The following PLXNB2 variants were observed in gnomAD, a reference collection of about 807,000 sequenced individuals.
PLXNB2 encodes plexin B2.
A neutral mutation model predicts 202.6 loss-of-function variants in PLXNB2; 85 were observed. That is an observed-to-expected ratio of 0.42 (90% CI 0.35 to 0.50). PLXNB2 has a LOEUF of 0.50. PLXNB2 is among the 20% of genes least tolerant of loss of function. The pLI is 0.02. For missense variants in PLXNB2, 2,063 were observed against 2,586.2 expected, an observed-to-expected ratio of 0.80 and a Z score of 4.39; for synonymous variants, 1,239 against 1,137.6, an observed-to-expected ratio of 1.09 and a Z score of -1.79.
intron 16 of PLXNB2, 40 bp from the exon 17 acceptor site, chr22:50,283,226 C>T (rs570676869): frequency 3.8e-6 from 6 of 1,599,532 alleles, no homozygotes; most frequent in Non-Finnish European, 5.1e-6. Context: ...GGACGGGGCA[C>T]AGGACGCCCT....
intron 1 of PLXNB2, among the ~76,000 whole-genome samples, 195 bp from the exon 2 acceptor site, chr22:50,294,973 G>A (rs1402977902): frequency 6.6e-6 from 1 of 152,202 alleles, no homozygotes; most frequent in Non-Finnish European, 1.5e-5. Context: ...CCCTCTGTCA[G>A]GGGCTTTCTG....
At chr22:50,280,697 C>T (rs1008633129) in intron 24 of PLXNB2, 27 bp from the exon 25 acceptor site, 2 of 1,596,376 alleles carry the variant, frequency 1.3e-6, no homozygotes, top group Non-Finnish European at 1.7e-6. Context: ...TCAAAGCCTG[C>T]CCGGCGCCAC....
chr22:50,289,769 G>A lies in PLXNB2; in HGVS notation c.816C>T (p.His272=), dbSNP rs886582997. The A allele has an allele frequency of 1.9e-5, 30 of 1,612,998 alleles. No homozygotes were observed. Among genetic ancestry groups the A allele is most frequent in the Non-Finnish European group, 2.5e-5 (29 of 1,180,008 alleles). ...CCAGGCAGGTGCCAAAGGCAGCGGC[G>A]TGGATGTCGGGGTCCCGGCACTGCA... is the stretch of plus-strand genomic sequence containing the variant. ...MDLQCRDPDI[H]AAAFGTCLAA... Residue 272 remains histidine, a synonymous_variant, in exon 3 of 37, where the codon CAC becomes CAT. Transcript: ENST00000359337. The surrounding 1 kb of genome is among the most constrained non-coding windows in gnomAD (Gnocchi z 8.0).
intron 8 of PLXNB2, among the ~76,000 whole-genome samples, chr22:50,286,810 CG>C (rs560939034): frequency 3.0e-4 from 46 of 152,286 alleles, no homozygotes; most frequent in Middle Eastern, 3.4e-3. Context: ...TCTGCCGAGA[CG>C]ACGGGGCCTG....
chr22:50,304,689 C>G (rs2067825476), intron 1 of PLXNB2, among the ~76,000 whole-genome samples: 1 of 151,824 alleles, frequency 6.6e-6, no homozygotes, highest in South Asian at 2.1e-4. Context: ...CCCTCCCCAT[C>G]GTGTAATTAG....
At chr22:50,282,640 A>ATGTG in intron 18 of PLXNB2, 71 bp downstream of exon 18, 1 of 1,075,378 alleles carries the variant, frequency 9.3e-7, no homozygotes, top group Non-Finnish European at 1.3e-6. Flanking sequence ...CTTTCAGCAC[A>ATGTG]GTCAGCCAAG....
Position 50,290,048 on chromosome 22 carries a change from G to A in PLXNB2, c.537C>T (p.Asn179=), listed in dbSNP as rs370273991. Reference sequence around the variant, plus strand: ...ACAGCCGAGTGCTCACGATGATGCCGTTGTCGTGTGGCCCATTGCCTTTGC... The same window carrying A: ...ACAGCCGAGTGCTCACGATGATGCCATTGTCGTGTGGCCCATTGCCTTTGC... ...FVGKGNGPHD[N]GIIVSTRLLD... is the part of the protein sequence containing the mutation. Residue 179 remains asparagine, a synonymous_variant, in exon 3 of 37, where the codon AAC becomes AAT. Transcript: ENST00000359337. 2.6e-4 allele frequency: 423 copies of A among 1,613,304 alleles called. No homozygotes were observed. The highest frequency in any genetic ancestry group is 3.3e-4 in the Non-Finnish European group (390 of 1,180,036).
At position 50,282,832 on chromosome 22, in the gene PLXNB2, G is replaced by C; in HGVS notation, c.2866C>G (p.Arg956Gly). Residue 956 changes from arginine (R) to glycine (G), a missense_variant, in exon 18 of 37, where the codon CGG (arginine) becomes GGG (glycine). By Grantham distance (125) the Arg-to-Gly change is moderately radical. Transcript: ENST00000359337. The stretch of plus-strand genomic sequence containing the variant: ...GAGACCTCCAGAAGCATCTGGCCCC[G>C]TGTCGCCTGGGGGCCAGTGACACAC... ...LQCVTGPQAT[R>G]GQMLLEVSYG... 1.9e-6 allele frequency: 3 copies of C among 1,612,808 alleles called. No homozygotes were observed. The highest frequency in any genetic ancestry group is 2.5e-6 in the Non-Finnish European group (3 of 1,179,584).
chr22:50,306,135 G>C (rs1044871807), intron 1 of PLXNB2, among the ~76,000 whole-genome samples: 2 of 152,188 alleles, frequency 1.3e-5, no homozygotes, highest in Non-Finnish European at 2.9e-5. Flanking sequence ...CAGGCAGCCG[G>C]TGGGGGAGGG....
intron 2 of PLXNB2, among the ~76,000 whole-genome samples, chr22:50,292,830 C>T (rs189950605): frequency 7.2e-5 from 11 of 152,366 alleles, no homozygotes; most frequent in Admixed American, 7.2e-4. Flanking sequence ...CACCCCAGGG[C>T]CCGCATGAGT....
At chr22:50,303,107 CT>C (rs2067767749) in intron 1 of PLXNB2, among the ~76,000 whole-genome samples, 1 of 151,966 alleles carries the variant, frequency 6.6e-6, no homozygotes, top group Admixed American at 6.6e-5. Flanking sequence ...GCCTCCCTTG[CT>C]TCCCCCAGGA....
At position 50,283,143 on chromosome 22, in the gene PLXNB2, G is replaced by T; in HGVS notation, c.2723C>A (p.Ala908Glu). ...GTGGATGGTCAGTGTGGTGCCGCCC[G>T]CCTGCGGTCCCTGCTGCGGCTCCAC... Reference protein sequence around the residue: ...LSVEPQQGPQAGGTTLTIHGT... With the variant: ...LSVEPQQGPQEGGTTLTIHGT... The change falls in exon 17 of 37, where the codon GCG (alanine) becomes GAG (glutamate). Residue 908 changes from alanine (A) to glutamate (E), a missense_variant. Ala to Glu is a moderately radical substitution (Grantham distance 107). Transcript: ENST00000359337. 1 of 1,597,100 alleles carries T rather than the reference G, an allele frequency of 6.3e-7. No individual in the cohort carries two copies. Among genetic ancestry groups the T allele is most frequent in the South Asian group, 1.1e-5 (1 of 89,286 alleles).
intron 1 of PLXNB2, among the ~76,000 whole-genome samples, chr22:50,300,824 C>G (rs1046001294): frequency 6.6e-6 from 1 of 152,142 alleles, no homozygotes; most frequent in Non-Finnish European, 1.5e-5. Context: ...CCCCATGAAG[C>G]CCCAGCTCCT....
chr22:50,280,213 G>A, intron 25 of PLXNB2, 142 bp from the exon 26 acceptor site: 2 of 670,150 alleles, frequency 3.0e-6, no homozygotes, highest in Non-Finnish European at 5.0e-6. Context: ...ACTACCTGGT[G>A]GCAGCTCCAG....
chr22:50,304,803 TC>T (rs1374834913), intron 1 of PLXNB2, among the ~76,000 whole-genome samples: 1 of 147,910 alleles, frequency 6.8e-6, no homozygotes, highest in Non-Finnish European at 1.5e-5. Context: ...CTACTGAATC[TC>T]CCACCCCCAG....
In PLXNB2 at chr22:50,287,931, A is replaced by T. The variant is rs1428227940; in HGVS notation, c.1481+6T>A. 2 of 1,585,354 alleles carry T rather than the reference A, an allele frequency of 1.3e-6. No homozygotes were observed. Among genetic ancestry groups the T allele is most frequent in the Admixed American group, 1.8e-5 (1 of 56,210 alleles). ...GCCGTGTCCCCGAGCCACCCCAGGCACTCACCGTCCCTCGACGACGCACCA... is the reference window on the plus strand; with the variant it reads ...GCCGTGTCCCCGAGCCACCCCAGGCTCTCACCGTCCCTCGACGACGCACCA... On this transcript the variant is annotated splice_donor_region_variant and intron_variant, in intron 6 of 36. Coordinates refer to ENST00000359337, the MANE Select transcript of PLXNB2 (RefSeq NM_012401.4).
rs776352264 is a variant in PLXNB2 at position 50,288,082 on chromosome 22, G to A, written c.1381-45C>T. On this transcript the variant is annotated intron_variant, in intron 5 of 36. Transcript: ENST00000359337. The surrounding 1 kb of genome is among the most constrained non-coding windows in gnomAD (Gnocchi z 5.0). ...AGTGGGACCACAGCAGAGGCCGCAC[G>A]GGCCTTCCGCAGACCCCAGATGTCC... 1.4e-5 allele frequency: 20 copies of A among 1,444,852 alleles called. No homozygotes were observed. The highest frequency in any genetic ancestry group is 2.2e-4 in the Middle Eastern group (1 of 4,512). The allele number at this position is 1,444,852 out of a possible 1,614,324, so 89.5% of individuals were successfully genotyped here.
rs549401151 is a variant in PLXNB2, at chr22:50,293,027, G to C, written c.-14+1692C>G. On this transcript the variant is annotated intron_variant, in intron 2 of 36. Transcript: ENST00000359337. Reference sequence around the variant, plus strand: ...GAGAGGTGACCACCCACAGGCTAGGGAGTTCCTGGCCGACTGGTGGCAGAG... The same window carrying C: ...GAGAGGTGACCACCCACAGGCTAGGCAGTTCCTGGCCGACTGGTGGCAGAG... Among the ~76,000 whole-genome samples the C allele has an allele frequency of 9.2e-5, 14 of 152,330 alleles. No homozygotes were observed. In the East Asian group the frequency reaches 2.1e-3, roughly 23 times the overall value.
chr22:50,303,088 C>G (rs769599607), intron 1 of PLXNB2, among the ~76,000 whole-genome samples: 30 of 151,970 alleles, frequency 2.0e-4, no homozygotes, highest in Non-Finnish European at 3.7e-4. Context: ...CTGAGTCACA[C>G]AGGCCCAGGC....
Sources: allele counts gnomAD v4.1 joint callset (sites outside exome capture counted in the v4.1 genomes callset), GRCh38; gene constraint gnomAD v4.1.1; non-coding constraint Gnocchi (gnomAD v3.1); transcripts MANE v1.5; gene names NCBI Gene and HGNC (gene_info 2026-07-23, HGNC 2026-07-21).